SPAG17: variants seen among roughly 807,000 people sequenced by gnomAD.
The protein encoded by SPAG17 is sperm-associated antigen 17.
SPAG17 carries 169 observed loss-of-function variants against 273.6 expected under a neutral mutation model. The ratio of observed to expected loss-of-function variants is 0.62; its 90% CI spans 0.55 to 0.70. The LOEUF (loss-of-function observed/expected upper bound fraction) is 0.70, where lower values mean the gene tolerates loss of function less well. Ranked by LOEUF, SPAG17 falls within the 30% of genes least tolerant of loss-of-function variation. The pLI is 0.00. For synonymous variants in SPAG17, 825 were observed against 873.2 expected (o/e 0.94, Z 0.97); for missense variants, 2,557 against 2,627.8 (o/e 0.97, Z 0.59).
At chr1:118,092,625 C>A (rs1655450154) in intron 8 of SPAG17, among the ~76,000 whole-genome samples, 1 of 152,206 alleles carries the variant, frequency 6.6e-6, no homozygotes, top group Non-Finnish European at 1.5e-5. Context: ...TCTTTCCCCA[C>A]ATCGCTAATC....
chr1:118,015,997 A>G lies in SPAG17; in HGVS notation c.4255T>C (p.Ser1419Pro), dbSNP rs367647798. The G allele has an allele frequency of 2.5e-6, 4 of 1,614,020 alleles. No homozygotes were observed. The African/African-American group carries it at 5.3e-5, about 22-fold the overall frequency. The change falls in exon 29 of 49, where the codon TCC becomes CCC. Residue 1419 changes from serine to proline, a missense_variant. By Grantham distance (74) the Ser-to-Pro change is moderately conservative. Coordinates refer to ENST00000336338, the MANE Select transcript of SPAG17 (RefSeq NM_206996.4). Reference sequence around the variant, plus strand: ...TTGACAGGATCTGTGGCCTGAAAGGATAACAATGGGGTCAAGTCTGCTATT... The same window carrying G: ...TTGACAGGATCTGTGGCCTGAAAGGGTAACAATGGGGTCAAGTCTGCTATT... Reference protein sequence around the residue: ...ERIADLTPLLSFQATDPVNGT... With the variant: ...ERIADLTPLLPFQATDPVNGT...
intron 5 of SPAG17, among the ~76,000 whole-genome samples, chr1:118,100,883 G>A (rs893745981): frequency 1.3e-5 from 2 of 152,166 alleles, no homozygotes; most frequent in African/African-American, 4.8e-5. Flanking sequence ...GATTGTGGGG[G>A]AGTTGGGGTA....
intron 3 of SPAG17, among the ~76,000 whole-genome samples, chr1:118,148,484 CGCTGATTGGTCCATTTTACAGACT>C (rs144707653): frequency 0.063 from 9,509 of 152,112 alleles, 443 homozygotes; most frequent in East Asian, 0.26. Flanking sequence ...CTTTACAGAG[CGCTGATTGGTCCATTTTACAGACT>C]GCTGATTGGT....
rs570787773 is a variant in SPAG17, at chr1:118,076,214, A to G, written c.2210-1614T>C. ...CAAAGCCTTATTCTGTGGCAAGCAT[A>G]AGACAACTTTTTATTCTGTGGCAAA... On this transcript the variant is annotated intron_variant, in intron 15 of 48. Coordinates refer to ENST00000336338, the MANE Select transcript of SPAG17 (RefSeq NM_206996.4). 5 of 152,194 alleles carry G rather than the reference A, an allele frequency of 3.3e-5. No individual in the cohort carries two copies. In the South Asian group the frequency reaches 1.0e-3, roughly 32 times the overall value. 9.4% of individuals were successfully genotyped at this position (152,194 alleles called of 1,614,324 possible).
At chr1:118,079,834 A>G (rs1422890947) in intron 15 of SPAG17, among the ~76,000 whole-genome samples, 1 of 152,022 alleles carries the variant, frequency 6.6e-6, no homozygotes, top group Non-Finnish European at 1.5e-5. Flanking sequence ...AATATTTCCC[A>G]ATTTCTATTG....
intron 20 of SPAG17, among the ~76,000 whole-genome samples, chr1:118,050,084 A>C (rs1231141427): frequency 2.0e-5 from 3 of 152,138 alleles, no homozygotes; most frequent in Non-Finnish European, 4.4e-5. Context: ...AGAACGCCTC[A>C]AGTAAGCATG....
chr1:118,064,951 T>C (rs1361653248), intron 18 of SPAG17, among the ~76,000 whole-genome samples: 2 of 151,206 alleles, frequency 1.3e-5, no homozygotes, highest in Non-Finnish European at 3.0e-5. Flanking sequence ...ATCAGAATAA[T>C]CCAAGGAAAT....
chr1:118,086,248 C>T (rs981438557), intron 12 of SPAG17, among the ~76,000 whole-genome samples, 176 bp from the exon 13 acceptor site: 17 of 152,186 alleles, frequency 1.1e-4, no homozygotes, highest in African/African-American at 4.1e-4. Flanking sequence ...AAGCTAGTTC[C>T]TATGTTGCCA....
chr1:118,161,387 A>G (rs1659901456), intron 1 of SPAG17, among the ~76,000 whole-genome samples: 1 of 152,172 alleles, frequency 6.6e-6, no homozygotes, highest in Non-Finnish European at 1.5e-5. Context: ...GGGTAAAAGT[A>G]TTAATCAAGA....
chr1:118,062,142 C>T (rs1038238464), intron 18 of SPAG17, among the ~76,000 whole-genome samples: 7 of 151,766 alleles, frequency 4.6e-5, no homozygotes, highest in South Asian at 2.1e-4. Flanking sequence ...CCGAGGCGGG[C>T]GGATCACGAG....
chr1:117,988,024 A>G, intron 39 of SPAG17, 81 bp downstream of exon 39: 1 of 1,433,504 alleles, frequency 7.0e-7, no homozygotes, highest in Non-Finnish European at 9.5e-7. Context: ...TAGTCACCAA[A>G]AGTTATAGCA....
intron 3 of SPAG17, among the ~76,000 whole-genome samples, chr1:118,117,194 C>T (rs910634139): frequency 2.0e-5 from 3 of 152,166 alleles, no homozygotes; most frequent in African/African-American, 7.2e-5. Flanking sequence ...GTGTTTCCCT[C>T]TAATACAAAG....
intron 1 of SPAG17, among the ~76,000 whole-genome samples, chr1:118,166,955 T>C (rs1660196606): frequency 6.6e-6 from 1 of 152,172 alleles, no homozygotes; most frequent in South Asian, 2.1e-4. Context: ...TCTGTGTAGA[T>C]ATTACTTTTT....
Position 117,984,623 on chromosome 1 carries a change from A to G in SPAG17, c.5769+60T>C, listed in dbSNP as rs1312825403. 9.4e-6 allele frequency: 10 copies of G among 1,068,264 alleles called. No individual in the cohort carries two copies. The African/African-American group carries it at 1.1e-4, about 12-fold the overall frequency. The allele number at this position is 1,068,264 out of a possible 1,614,324, so 66.2% of individuals were successfully genotyped here. A position where few individuals can be genotyped will look rare whatever the true frequency, so the allele number is the denominator to read the frequency against. On this transcript the variant is annotated intron_variant, in intron 41 of 48. Transcript: ENST00000336338. Reference sequence around the variant, plus strand: ...GGAAAGACAGATTACATAATAACATATGCAATATACCAAATTTATAAAAAC... The same window carrying G: ...GGAAAGACAGATTACATAATAACATGTGCAATATACCAAATTTATAAAAAC...
chr1:118,147,263 C>A (rs573536050), intron 3 of SPAG17, among the ~76,000 whole-genome samples: 5 of 152,200 alleles, frequency 3.3e-5, no homozygotes, highest in African/African-American at 1.2e-4. Flanking sequence ...AGTGCTTTAA[C>A]GAGTATGTTT....
chr1:117,990,776 A>T, intron 38 of SPAG17, 85 bp downstream of exon 38: 5 of 847,802 alleles, frequency 5.9e-6, no homozygotes, highest in Non-Finnish European at 9.5e-6. Flanking sequence ...TTGTTATCAG[A>T]TAAGAGAATG....
intron 1 of SPAG17, among the ~76,000 whole-genome samples, chr1:118,165,746 C>T (rs1288481599): frequency 6.7e-6 from 1 of 149,266 alleles, no homozygotes; most frequent in Non-Finnish European, 1.5e-5. Context: ...CCCGGGTTCA[C>T]GCCATTCTCC....
chr1:117,966,701 A>G lies in SPAG17; in HGVS notation c.6440T>C (p.Val2147Ala). 1 of 1,614,022 alleles carries G rather than the reference A, an allele frequency of 6.2e-7. No homozygotes were observed. The highest frequency in any genetic ancestry group is 2.2e-5 in the East Asian group (1 of 44,868). ...ELNIELFATAVGEDGAKGSAH... is the reference protein window; with the variant it reads ...ELNIELFATAAGEDGAKGSAH... ...TGATCCCTTGGCCCCATCCTCTCCA[A>G]CAGCTGTGGCAAATAACTCTATATT... The change falls in exon 47 of 49, where the codon GTT becomes GCT. Residue 2147 changes from valine to alanine, a missense_variant. Transcript: ENST00000336338.
chr1:118,163,957 A>T (rs1243682416), intron 1 of SPAG17, among the ~76,000 whole-genome samples: 3 of 152,018 alleles, frequency 2.0e-5, no homozygotes, highest in African/African-American at 7.2e-5. Flanking sequence ...TATGTTGGGG[A>T]CTTGAATTGC....
Sources: allele counts gnomAD v4.1 joint callset (sites outside exome capture counted in the v4.1 genomes callset), GRCh38; gene constraint gnomAD v4.1.1; transcripts MANE v1.5; gene names NCBI Gene and HGNC (gene_info 2026-07-23, HGNC 2026-07-21).